Variants in C1D observed in about 807,000 individuals in gnomAD.
The protein encoded by C1D is C1D nuclear receptor corepressor, also known as nuclear nucleic acid-binding protein C1D.
Under a neutral mutation model 17.5 loss-of-function variants are expected in C1D, and 10 were observed. The ratio of observed to expected loss-of-function variants is 0.57; its 90% CI spans 0.35 to 0.97. The LOEUF is 0.97. Among genes scored for constraint, C1D ranks in the 50% least tolerant of loss-of-function variants. The probability of loss-of-function intolerance (pLI) is 0.01; values close to 1 mark genes in which losing one functional copy is unlikely to be tolerated. For synonymous variants in C1D, 49 were observed against 54.0 expected (o/e 0.91, Z 0.40); for missense variants, 136 against 160.1 (o/e 0.85, Z 0.81).
At chr2:68,049,690 T>C (rs570420764) in intron 1 of C1D, among the ~76,000 whole-genome samples, 14 of 152,294 alleles carry the variant, frequency 9.2e-5, no homozygotes, top group Admixed American at 6.5e-5. Context: ...CAGAGAAAGA[T>C]GGAAAACCTT....
chr2:68,046,601 GA>G (rs1234263624), intron 2 of C1D, 191 bp from the exon 3 acceptor site: 1 of 509,066 alleles, frequency 2.0e-6, no homozygotes, highest in Non-Finnish European at 3.5e-6. Flanking sequence ...CTTAATGAGT[GA>G]CTTTTGTCCA....
chr2:68,045,255 C>G (rs1671087436), intron 4 of C1D, among the ~76,000 whole-genome samples: 1 of 152,096 alleles, frequency 6.6e-6, no homozygotes, highest in African/African-American at 2.4e-5. Flanking sequence ...TATTTCATAT[C>G]TATATTTGCC....
Position 68,047,260 on chromosome 2 carries a change from A to G in C1D, c.51T>C (p.Tyr17=). ...NEDYPVEIHE[Y]LSAFENSIGA... ...CAATGGAATTCTCAAACGCTGACAA[A>G]TACTCGTGAATTTCTACTGGATAGT... is the stretch of plus-strand genomic sequence containing the variant. The change falls in exon 2 of 5, where the codon TAT becomes TAC. Residue 17 remains tyrosine, a synonymous_variant. Coordinates refer to ENST00000410067, the MANE Select transcript of C1D (RefSeq NM_173177.3). The G allele has an allele frequency of 1.2e-6, 2 of 1,613,110 alleles. No homozygotes were observed. The highest frequency in any genetic ancestry group is 1.7e-6 in the Non-Finnish European group (2 of 1,179,486).
rs1165190845 is a variant in C1D at position 68,052,809 on chromosome 2, T to G, written c.-9-5490A>C. On this transcript the variant is annotated intron_variant, in intron 1 of 4. Coordinates refer to ENST00000410067, the MANE Select transcript of C1D (RefSeq NM_173177.3). ...ATTATAGGCAGCTGCTGAGTATTTA[T>G]TCCTTCCACAGAAAAAGCGCAGAAA... is the stretch of plus-strand genomic sequence containing the variant. 4.6e-5 allele frequency among the ~76,000 whole-genome samples: 7 copies of G among 152,292 alleles called. No individual in the cohort carries two copies. In the East Asian group the frequency reaches 7.7e-4, roughly 17 times the overall value.
intron 1 of C1D, among the ~76,000 whole-genome samples, chr2:68,050,278 A>G (rs1193873162): frequency 6.6e-6 from 1 of 151,556 alleles, no homozygotes; most frequent in Non-Finnish European, 1.5e-5. Flanking sequence ...TAAATGTTTT[A>G]TTTCTCCATC....
intron 1 of C1D, among the ~76,000 whole-genome samples, chr2:68,061,639 A>G (rs1371898929): frequency 6.6e-6 from 1 of 152,232 alleles, no homozygotes; most frequent in African/African-American, 2.4e-5. Context: ...AAAAGCCATT[A>G]GAACGGGGCC....
In C1D at chr2:68,053,358, C is replaced by T. The variant is rs926152930; in HGVS notation, c.-9-6039G>A. Reference sequence around the variant, plus strand: ...ATAGCATCACATACAGAACTGAAGTCATCAGCTACCTCTTTCCTTTAATTC... The same window carrying T: ...ATAGCATCACATACAGAACTGAAGTTATCAGCTACCTCTTTCCTTTAATTC... On this transcript the variant is annotated intron_variant, in intron 1 of 4. Coordinates refer to ENST00000410067, the MANE Select transcript of C1D (RefSeq NM_173177.3). 1.1e-5 allele frequency: 8 copies of T among 753,284 alleles called. No individual in the cohort carries two copies. The Middle Eastern group carries it at 1.6e-3, about 152-fold the overall frequency. The allele number at this position is 753,284 out of a possible 1,614,324, so 46.7% of individuals were successfully genotyped here.
At chr2:68,043,691 A>C (rs1442427438) in intron 4 of C1D, among the ~76,000 whole-genome samples, 2 of 152,262 alleles carry the variant, frequency 1.3e-5, no homozygotes, top group Non-Finnish European at 2.9e-5. Flanking sequence ...ACAATTAATC[A>C]GCATAAATGG....
At chr2:68,051,056 T>C (rs565617791) in intron 1 of C1D, among the ~76,000 whole-genome samples, 1 of 152,308 alleles carries the variant, frequency 6.6e-6, no homozygotes, top group African/African-American at 2.4e-5. Flanking sequence ...ACCAAACCAC[T>C]ATCCTGGTCC....
rs376581104 is a variant in C1D, at chr2:68,062,789, A to G, written c.-10+169T>C. 2.0e-5 allele frequency among the ~76,000 whole-genome samples: 3 copies of G among 152,276 alleles called. 1 individual carries two copies. The highest frequency in any genetic ancestry group is 7.2e-5 in the African/African-American group (3 of 41,542). On this transcript the variant is annotated intron_variant, in intron 1 of 4. Transcript: ENST00000410067. ...ACAAGCGGAAGTGGGGGACCTGCCA[A>G]CAATGCTGCCCCAACGAAGAGCTGT...
At chr2:68,046,862 T>C (rs773218881) in intron 2 of C1D, among the ~76,000 whole-genome samples, 16 of 152,164 alleles carry the variant, frequency 1.1e-4, no homozygotes, top group African/African-American at 2.2e-4. Context: ...TTTTGTCCTA[T>C]AGGGTTTCCA....
At chr2:68,061,590 G>A (rs1254335404) in intron 1 of C1D, among the ~76,000 whole-genome samples, 1 of 152,114 alleles carries the variant, frequency 6.6e-6, no homozygotes, top group Non-Finnish European at 1.5e-5. Context: ...TCTGAAATAA[G>A]AGTATATAGT....
chr2:68,061,238 A>C (rs949757015), intron 1 of C1D, among the ~76,000 whole-genome samples: 3 of 152,244 alleles, frequency 2.0e-5, no homozygotes, highest in African/African-American at 7.2e-5. Flanking sequence ...AATGAAATGT[A>C]CACACAAGTT....
At chr2:68,057,904 T>C (rs1283095916) in intron 1 of C1D, among the ~76,000 whole-genome samples, 1 of 152,244 alleles carries the variant, frequency 6.6e-6, no homozygotes, top group Admixed American at 6.5e-5. Flanking sequence ...TCTGGCCTGC[T>C]TGCTACATGG....
intron 1 of C1D, among the ~76,000 whole-genome samples, chr2:68,060,512 G>A (rs1235661192): frequency 2.0e-5 from 3 of 151,934 alleles, no homozygotes; most frequent in Non-Finnish European, 4.4e-5. Flanking sequence ...GCATGGCGAC[G>A]GGTGCCTGTA....
chr2:68,058,546 C>A (rs1020774244), intron 1 of C1D, among the ~76,000 whole-genome samples: 1 of 152,158 alleles, frequency 6.6e-6, no homozygotes, highest in Admixed American at 6.5e-5. Flanking sequence ...GATGGCACAA[C>A]AGAAACAGGT....
At chr2:68,052,140 GAA>G (rs1246086880) in intron 1 of C1D, among the ~76,000 whole-genome samples, 1 of 150,780 alleles carries the variant, frequency 6.6e-6, no homozygotes, top group Non-Finnish European at 1.5e-5. Context: ...CAATGAGAAG[GAA>G]AAAGTCAGAG....
At chr2:68,045,601 G>A (rs1045537302) in intron 4 of C1D, among the ~76,000 whole-genome samples, 1 of 151,906 alleles carries the variant, frequency 6.6e-6, no homozygotes, top group Non-Finnish European at 1.5e-5. Flanking sequence ...AATTAATGGA[G>A]GAATTGAAAA....
At chr2:68,046,682 G>A (rs1249861227) in intron 2 of C1D, 3 of 357,222 alleles carry the variant, frequency 8.4e-6, no homozygotes, top group Non-Finnish European at 1.5e-5. Context: ...AAATTCTTTT[G>A]AATTATTTTA....
Sources: allele counts gnomAD v4.1 joint callset (sites outside exome capture counted in the v4.1 genomes callset), GRCh38; gene constraint gnomAD v4.1.1; transcripts MANE v1.5; gene names NCBI Gene and HGNC (gene_info 2026-07-23, HGNC 2026-07-21).